Variants in ATP11A observed in about 807,000 individuals in gnomAD.
The protein encoded by ATP11A is ATPase phospholipid transporting 11A.
ATP11A carries 81 observed loss-of-function variants against 154.4 expected under a neutral mutation model. That is an observed-to-expected ratio of 0.52 (90% CI 0.44 to 0.63). The LOEUF (loss-of-function observed/expected upper bound fraction) is 0.63. Ranked by LOEUF, ATP11A falls within the 30% of genes least tolerant of loss-of-function variation. The pLI, the probability that ATP11A is intolerant of heterozygous loss-of-function variation, is 0.00. For synonymous variants in ATP11A, 623 were observed against 585.9 expected (o/e 1.06, Z -0.91); for missense variants, 1,316 against 1,474.3 (o/e 0.89, Z 1.76).
chr13:112,777,719 T>C (rs563699639), intron 1 of ATP11A, among the ~76,000 whole-genome samples: 1 of 152,264 alleles, frequency 6.6e-6, no homozygotes, highest in Admixed American at 6.5e-5. Flanking sequence ...CGCTGGAAGG[T>C]GGGTGGGAAG....
chr13:112,694,593 T>C (rs575740145), intron 1 of ATP11A, among the ~76,000 whole-genome samples: 1 of 152,324 alleles, frequency 6.6e-6, no homozygotes, highest in Non-Finnish European at 1.5e-5. Context: ...CATGCCTCTA[T>C]GTAGGGCATT....
intron 1 of ATP11A, among the ~76,000 whole-genome samples, chr13:112,743,803 G>C (rs1430296079): frequency 6.6e-6 from 1 of 152,206 alleles, no homozygotes; most frequent in Non-Finnish European, 1.5e-5. Flanking sequence ...TATTTCCTGT[G>C]GTCTCAGGGT....
At chr13:112,763,463 C>T (rs2077006878) in intron 1 of ATP11A, among the ~76,000 whole-genome samples, 1 of 152,234 alleles carries the variant, frequency 6.6e-6, no homozygotes, top group Admixed American at 6.5e-5. Context: ...GAGAAATTAT[C>T]TTACCTCAAA....
intron 1 of ATP11A, among the ~76,000 whole-genome samples, chr13:112,704,037 G>A (rs1886875715): frequency 1.3e-5 from 2 of 152,188 alleles, no homozygotes; most frequent in Admixed American, 6.5e-5. Flanking sequence ...GACCGTGCTA[G>A]TTGGAAGTTG....
intron 15 of ATP11A, among the ~76,000 whole-genome samples, chr13:112,835,456 C>T (rs1047222132): frequency 1.3e-5 from 2 of 152,246 alleles, no homozygotes; most frequent in African/African-American, 4.8e-5. Flanking sequence ...GCACCAGCTG[C>T]ACCCTCTCCA....
Position 112,882,165 on chromosome 13 carries a change from G to C in ATP11A, c.*299G>C, listed in dbSNP as rs2080902650. ...GCCTTGCCCTCGAGCATGGCACCCT[G>C]GCCGCCTGGACCCAGCACTGTGGTT... On this transcript the variant is annotated 3_prime_UTR_variant, in exon 30 of 30. Coordinates refer to ENST00000375645, the MANE Select transcript of ATP11A (RefSeq NM_015205.3). The surrounding 1 kb of genome is among the most constrained non-coding windows in gnomAD (Gnocchi z 5.1). 1.6e-6 allele frequency: 2 copies of C among 1,289,948 alleles called. No individual in the cohort carries two copies. Among genetic ancestry groups the C allele is most frequent in the African/African-American group, 3.0e-5 (2 of 66,698 alleles). 79.9% of individuals were successfully genotyped at this position (1,289,948 alleles called of 1,614,324 possible).
In ATP11A at chr13:112,851,230, G is replaced by C; in HGVS notation, c.1991+12G>C. The C allele has an allele frequency of 6.2e-7, 1 of 1,608,698 alleles. No individual in the cohort carries two copies. The highest frequency in any genetic ancestry group is 8.5e-7 in the Non-Finnish European group (1 of 1,177,074). ...GCTGTTGAGGACCGGTAAAGTAAAC[G>C]CATGCATCCCGTCCTGAGAGACAAA... On this transcript the variant is annotated intron_variant, in intron 18 of 29. Coordinates refer to ENST00000375645, the MANE Select transcript of ATP11A (RefSeq NM_015205.3).
chr13:112,865,088 G>A (rs1359348748), intron 25 of ATP11A, among the ~76,000 whole-genome samples: 1 of 119,518 alleles, frequency 8.4e-6, no homozygotes, highest in Non-Finnish European at 1.7e-5. Context: ...CACATGGGCA[G>A]TAATTCAGTG....
At chr13:112,735,896 G>GTCCGTGTGCTCCTCCATGCC (rs1447886976) in intron 1 of ATP11A, among the ~76,000 whole-genome samples, 9 of 152,208 alleles carry the variant, frequency 5.9e-5, no homozygotes, top group African/African-American at 1.7e-4. Flanking sequence ...AAGTCCCATG[G>GTCCGTGTGCTCCTCCATGCC]TCCGTGTGCT....
At chr13:112,815,975 G>A (rs762113841) in intron 5 of ATP11A, 108 bp from the exon 6 acceptor site, 25 of 1,467,730 alleles carry the variant, frequency 1.7e-5, no homozygotes, top group South Asian at 2.5e-5. Context: ...CCACATCCCC[G>A]TGTCTTCCTG....
At chr13:112,722,870 C>T (rs527860468) in intron 1 of ATP11A, among the ~76,000 whole-genome samples, 32 of 152,240 alleles carry the variant, frequency 2.1e-4, no homozygotes, top group South Asian at 6.2e-4. Flanking sequence ...GGAAGGTCGA[C>T]GTGGCTCAGC....
intron 1 of ATP11A, among the ~76,000 whole-genome samples, chr13:112,720,249 G>A (rs555383998): frequency 2.6e-4 from 40 of 152,346 alleles, no homozygotes; most frequent in African/African-American, 8.4e-4. Flanking sequence ...GTACATGGAA[G>A]GTATACATTG....
chr13:112,755,224 C>T (rs1286867134), intron 1 of ATP11A, among the ~76,000 whole-genome samples: 4 of 152,218 alleles, frequency 2.6e-5, no homozygotes, highest in Non-Finnish European at 5.9e-5. Context: ...AGGCTGCAGG[C>T]TGCACGTGGA....
intron 12 of ATP11A, among the ~76,000 whole-genome samples, chr13:112,829,526 C>G (rs938312243): frequency 6.6e-6 from 1 of 152,122 alleles, no homozygotes; most frequent in African/African-American, 2.4e-5. Context: ...CATAACATCT[C>G]TCAACAAATT....
In ATP11A at chr13:112,690,289, C is replaced by G; in HGVS notation, c.-128C>G. 1 of 598,338 alleles carries G rather than the reference C, an allele frequency of 1.7e-6. No homozygotes were observed. Among genetic ancestry groups the G allele is most frequent in the Non-Finnish European group, 2.2e-6 (1 of 458,214 alleles). 37.1% of individuals were successfully genotyped at this position (598,338 alleles called of 1,614,324 possible). The stretch of plus-strand genomic sequence containing the variant: ...GCGGAGGGGCCGCGGCCGCCCCCTG[C>G]ACCGCCCGGCGCGCCGAGGCCGTGA... On this transcript the variant is annotated 5_prime_UTR_variant, in exon 1 of 30. Coordinates refer to ENST00000375645, the MANE Select transcript of ATP11A (RefSeq NM_015205.3). This position sits in a 1 kb window ranked among gnomAD's most constrained non-coding sequence, Gnocchi z 5.6.
chr13:112,786,711 T>G, intron 2 of ATP11A, among the ~76,000 whole-genome samples: 1 of 151,304 alleles, frequency 6.6e-6, no homozygotes, highest in Non-Finnish European at 1.5e-5. Flanking sequence ...TCCTTCAAAA[T>G]GGATGAGCTA....
intron 5 of ATP11A, 131 bp from the exon 6 acceptor site, chr13:112,815,952 C>G: frequency 1.5e-6 from 2 of 1,303,378 alleles, no homozygotes; most frequent in Non-Finnish European, 2.1e-6. Context: ...AGAGTCTTTT[C>G]CTGAAACCGT....
chr13:112,859,196 G>A lies in ATP11A; in HGVS notation c.2668-197G>A, dbSNP rs1314266738. On this transcript the variant is annotated intron_variant, in intron 22 of 29. Coordinates refer to ENST00000375645, the MANE Select transcript of ATP11A (RefSeq NM_015205.3). This position sits in a 1 kb window ranked among gnomAD's most constrained non-coding sequence, Gnocchi z 4.3. ...TTCCTCTATACGTTGTCTGTCCTGA[G>A]TGGCCAAAACGTGGTCACATGTGCA... 2 of 600,186 alleles carry A rather than the reference G, an allele frequency of 3.3e-6. No individual in the cohort carries two copies. The highest frequency in any genetic ancestry group is 5.4e-5 in the Admixed American group (2 of 37,236). 37.2% of individuals were successfully genotyped at this position (600,186 alleles called of 1,614,324 possible). A position where few individuals can be genotyped will look rare whatever the true frequency, so the allele number is the denominator to read the frequency against.
chr13:112,782,681 G>A (rs906647031), intron 1 of ATP11A, among the ~76,000 whole-genome samples: 6 of 151,408 alleles, frequency 4.0e-5, no homozygotes, highest in African/African-American at 7.4e-5. Flanking sequence ...ACCCAGTCCC[G>A]GAGGAGGAGG....
Sources: allele counts gnomAD v4.1 joint callset (sites outside exome capture counted in the v4.1 genomes callset), GRCh38; gene constraint gnomAD v4.1.1; non-coding constraint Gnocchi (gnomAD v3.1); transcripts MANE v1.5; gene names NCBI Gene and HGNC (gene_info 2026-07-23, HGNC 2026-07-21).